The following MYOCD variants were observed in gnomAD, a reference collection of about 807,000 sequenced individuals.
MYOCD encodes the protein myocardin.
MYOCD carries 32 observed loss-of-function variants against 96.1 expected under a neutral mutation model. The ratio of observed to expected loss-of-function variants is 0.33; its 90% CI spans 0.25 to 0.45. The LOEUF (loss-of-function observed/expected upper bound fraction) is 0.45, where lower values mean the gene tolerates loss of function less well. Ranked by LOEUF, MYOCD falls within the 20% of genes least tolerant of loss-of-function variation. The pLI is 1.00. For missense variants in MYOCD, 1,133 were observed against 1,200.6 expected (o/e 0.94, Z 0.83); for synonymous variants, 469 against 469.0 (o/e 1.00, Z 0.00).
intron 1 of MYOCD, among the ~76,000 whole-genome samples, chr17:12,666,474 A>G (rs1384590506): frequency 1.3e-5 from 2 of 152,050 alleles, no homozygotes; most frequent in Non-Finnish European, 2.9e-5. Flanking sequence ...GAAAAGGCCA[A>G]TCCTTTTATT....
At chr17:12,702,067 ATAT>A (rs1162053632) in intron 1 of MYOCD, among the ~76,000 whole-genome samples, 1 of 152,062 alleles carries the variant, frequency 6.6e-6, no homozygotes, top group Non-Finnish European at 1.5e-5. Context: ...AAGATGTTTG[ATAT>A]TATTGCTCAA....
intron 6 of MYOCD, among the ~76,000 whole-genome samples, chr17:12,737,809 A>C (rs761937615): frequency 6.6e-6 from 1 of 152,164 alleles, no homozygotes; most frequent in Non-Finnish European, 1.5e-5. Flanking sequence ...GTTACTGATC[A>C]CCGTCATGCC....
chr17:12,731,979 T>A (rs1056586919), intron 5 of MYOCD, among the ~76,000 whole-genome samples: 4 of 152,092 alleles, frequency 2.6e-5, no homozygotes, highest in Non-Finnish European at 5.9e-5. Context: ...GAAAGAGTGG[T>A]GATTGACAGG....
intron 13 of MYOCD, chr17:12,761,691 T>C: frequency 6.5e-6 from 1 of 152,676 alleles, no homozygotes; most frequent in Non-Finnish European, 1.5e-5. Context: ...TGGCGGGATC[T>C]TGGGTCACTG....
intron 2 of MYOCD, among the ~76,000 whole-genome samples, chr17:12,713,035 A>T (rs1597771392): frequency 1.3e-5 from 2 of 152,140 alleles, no homozygotes; most frequent in South Asian, 4.1e-4. Flanking sequence ...CCATGGCAGG[A>T]TAGTTTTCCA....
At chr17:12,697,967 G>C (rs116297410) in intron 1 of MYOCD, among the ~76,000 whole-genome samples, 1 of 152,056 alleles carries the variant, frequency 6.6e-6, no homozygotes, top group Non-Finnish European at 1.5e-5. Flanking sequence ...ACCAAATTCC[G>C]TATGCAGGGA....
At chr17:12,682,573 C>T (rs1205449086) in intron 1 of MYOCD, among the ~76,000 whole-genome samples, 5 of 152,156 alleles carry the variant, frequency 3.3e-5, no homozygotes, top group East Asian at 1.9e-4. Context: ...CTGCCCTTTT[C>T]GCGGAGAGAG....
rs898708825 is a variant in MYOCD, at chr17:12,763,858, A to C, written c.*214A>C. ...GTCAGTAACTGTTAATGATTTCAAC[A>C]ATGCATTAAAAGAATGTGCTTTCTC... On this transcript the variant is annotated 3_prime_UTR_variant, in exon 14 of 14. Coordinates refer to ENST00000425538, the MANE Select transcript of MYOCD (RefSeq NM_001146312.3). 1 of 451,858 alleles carries C rather than the reference A, an allele frequency of 2.2e-6. No individual in the cohort carries two copies. The highest frequency in any genetic ancestry group is 5.3e-5 in the South Asian group (1 of 18,996). 28.0% of individuals were successfully genotyped at this position (451,858 alleles called of 1,614,324 possible). A position where few individuals can be genotyped will look rare whatever the true frequency, so the allele number is the denominator to read the frequency against.
At chr17:12,681,074 T>C (rs760050725) in intron 1 of MYOCD, among the ~76,000 whole-genome samples, 2 of 152,172 alleles carry the variant, frequency 1.3e-5, no homozygotes, top group Non-Finnish European at 2.9e-5. Context: ...TATCTCAAAA[T>C]CCCATGCCTT....
At chr17:12,757,242 G>A (rs1402170123) in intron 11 of MYOCD, among the ~76,000 whole-genome samples, 1 of 152,142 alleles carries the variant, frequency 6.6e-6, no homozygotes, top group Non-Finnish European at 1.5e-5. Flanking sequence ...AGAGTCTCAA[G>A]GGGCAAAGAA....
intron 6 of MYOCD, among the ~76,000 whole-genome samples, chr17:12,738,188 C>T (rs1181474031): frequency 2.0e-5 from 3 of 152,088 alleles, no homozygotes; most frequent in East Asian, 1.9e-4. Context: ...TCATTTCTCC[C>T]GGCAATCATG....
intron 13 of MYOCD, chr17:12,762,817 T>C (rs906631285): frequency 2.7e-5 from 12 of 446,260 alleles, no homozygotes; most frequent in Non-Finnish European, 4.8e-5. Context: ...CTACCAGGGG[T>C]CAGAGGAGTA....
intron 1 of MYOCD, among the ~76,000 whole-genome samples, chr17:12,688,514 CCTCCCTTCCATCTT>C (rs1446429739): frequency 6.9e-6 from 1 of 144,764 alleles, no homozygotes; most frequent in Non-Finnish European, 1.5e-5. Flanking sequence ...CCTTCCATCT[CCTCCCTTCCATCTT>C]CTTCCTTCCT....
chr17:12,678,470 T>G (rs560905777), intron 1 of MYOCD, among the ~76,000 whole-genome samples: 130 of 152,156 alleles, frequency 8.5e-4, no homozygotes, highest in African/African-American at 2.1e-3. Context: ...CAGCAAAGGC[T>G]CATGGCTGAG....
chr17:12,717,378 C>G lies in MYOCD; in HGVS notation c.210C>G (p.Asn70Lys). 2 of 1,614,036 alleles carry G rather than the reference C, an allele frequency of 1.2e-6. No individual in the cohort carries two copies. Among genetic ancestry groups the G allele is most frequent in the Non-Finnish European group, 1.7e-6 (2 of 1,179,956 alleles). ...ATTCCCTGAAGCGCAAAGCCAGAAA[C>G]AGGTGCAACAGTGCCGACTTGGTTA... Reference protein sequence around the residue: ...AKNSLKRKARNRCNSADLVNM... With the variant: ...AKNSLKRKARKRCNSADLVNM... The change falls in exon 4 of 14, where the codon AAC becomes AAG. Residue 70 changes from asparagine (N) to lysine (K), a missense_variant. Asn to Lys is a moderately conservative substitution (Grantham distance 94, BLOSUM62 0). Coordinates refer to ENST00000425538, the MANE Select transcript of MYOCD (RefSeq NM_001146312.3).
chr17:12,730,116 C>A (rs1330478670), intron 5 of MYOCD, among the ~76,000 whole-genome samples: 1 of 151,826 alleles, frequency 6.6e-6, no homozygotes, highest in Non-Finnish European at 1.5e-5. Flanking sequence ...CACTGCACAC[C>A]AGCCTGGGTG....
chr17:12,666,062 G>C lies in MYOCD; in HGVS notation c.-127G>C. 1.5e-6 allele frequency: 1 copy of C among 689,354 alleles called. No individual in the cohort carries two copies. Among genetic ancestry groups the C allele is most frequent in the East Asian group, 2.7e-5 (1 of 36,764 alleles). 42.7% of individuals were successfully genotyped at this position (689,354 alleles called of 1,614,324 possible). A position where few individuals can be genotyped will look rare whatever the true frequency, so the allele number is the denominator to read the frequency against. ...TGGCTGCCACTGTACTCCTACCCAGGGGAGCTCACGGAGAGTTGGATGAAT... is the reference window on the plus strand; with the variant it reads ...TGGCTGCCACTGTACTCCTACCCAGCGGAGCTCACGGAGAGTTGGATGAAT... On this transcript the variant is annotated 5_prime_UTR_variant, in exon 1 of 14. Transcript: ENST00000425538.
intron 1 of MYOCD, among the ~76,000 whole-genome samples, chr17:12,667,481 G>A (rs2530192): frequency 0.023 from 3,448 of 152,268 alleles, 50 homozygotes; most frequent in South Asian, 0.082. Flanking sequence ...GAGGTGAGGC[G>A]GTTGATCTGT....
intron 12 of MYOCD, among the ~76,000 whole-genome samples, chr17:12,758,791 G>A (rs1275269345): frequency 2.0e-5 from 3 of 152,230 alleles, no homozygotes; most frequent in South Asian, 2.1e-4. Context: ...GCTCACACCT[G>A]TAATCCCAGC....
Sources: gnomAD v4.1 joint callset for allele counts (sites outside exome capture counted in the v4.1 genomes callset) on GRCh38, gnomAD v4.1.1 for gene constraint, MANE v1.5 for transcripts, NCBI Gene and HGNC (gene_info 2026-07-23, HGNC 2026-07-21) for gene names.